Variants in GOT1 observed in about 807,000 individuals in gnomAD.
GOT1 encodes the protein glutamic-oxaloacetic transaminase 1, also known as aspartate aminotransferase, cytoplasmic.
A neutral mutation model predicts 48.2 loss-of-function variants in GOT1; 25 were observed. The ratio of observed to expected loss-of-function variants is 0.52; its 90% CI spans 0.38 to 0.72. The LOEUF (loss-of-function observed/expected upper bound fraction) is 0.72. GOT1 is among the 30% of genes least tolerant of loss of function. GOT1 has a pLI of 0.00. For synonymous variants in GOT1, 188 were observed against 193.8 expected (o/e 0.97, Z 0.25); for missense variants, 380 against 520.1 (o/e 0.73, Z 2.62).
At chr10:99,420,572 T>G in intron 2 of GOT1, 52 bp downstream of exon 2, 2 of 1,339,784 alleles carry the variant, frequency 1.5e-6, no homozygotes, top group Non-Finnish European at 2.1e-6. Context: ...ATTCTCAACA[T>G]CTTTTTACTT....
At chr10:99,416,652 G>A (rs1238573069) in intron 2 of GOT1, among the ~76,000 whole-genome samples, 2 of 150,586 alleles carry the variant, frequency 1.3e-5, no homozygotes, top group Non-Finnish European at 3.0e-5. Flanking sequence ...CTAAGCTGGA[G>A]GCATCATGCT....
chr10:99,420,844 T>G, intron 1 of GOT1, 39 bp from the exon 2 acceptor site: 3 of 1,511,734 alleles, frequency 2.0e-6, no homozygotes, highest in Non-Finnish European at 2.7e-6. Context: ...TGGAGGCTCA[T>G]GCTGTGTCCA....
intron 3 of GOT1, 57 bp downstream of exon 3, chr10:99,406,669 A>ATGAGGATAATTCTCTCTGGTTTCTGTTT: frequency 1.3e-6 from 2 of 1,560,462 alleles, no homozygotes. Flanking sequence ...AGGGAGAGTC[A>ATGAGGATAATTCTCTCTGGTTTCTGTTT]TGAGGATAAT....
chr10:99,423,205 CTTA>C (rs2032994256), intron 1 of GOT1, among the ~76,000 whole-genome samples: 1 of 152,114 alleles, frequency 6.6e-6, no homozygotes. Flanking sequence ...TTGCATTTAT[CTTA>C]TTATGAATGC....
At chr10:99,411,746 A>G (rs1287843014) in intron 2 of GOT1, among the ~76,000 whole-genome samples, 1 of 152,206 alleles carries the variant, frequency 6.6e-6, no homozygotes, top group Non-Finnish European at 1.5e-5. Flanking sequence ...TCCAGCATCT[A>G]GAACAGTGCC....
At chr10:99,404,295 A>G (rs2134097585) in intron 5 of GOT1, among the ~76,000 whole-genome samples, 1 of 151,992 alleles carries the variant, frequency 6.6e-6, no homozygotes, top group Non-Finnish European at 1.5e-5. Context: ...CATTCCTGTC[A>G]CTCATCTCCT....
intron 2 of GOT1, among the ~76,000 whole-genome samples, chr10:99,418,082 A>C (rs933355328): frequency 6.6e-6 from 1 of 151,388 alleles, no homozygotes; most frequent in Admixed American, 6.6e-5. Flanking sequence ...ATATAAAAAG[A>C]AGGGCTCAGA....
chr10:99,400,354 A>T (rs548942423), intron 8 of GOT1, among the ~76,000 whole-genome samples: 11 of 152,242 alleles, frequency 7.2e-5, no homozygotes, highest in African/African-American at 2.7e-4. Flanking sequence ...TGTATGTTTA[A>T]AACTTTTCTG....
At chr10:99,415,567 A>C (rs1348251913) in intron 2 of GOT1, among the ~76,000 whole-genome samples, 2 of 152,154 alleles carry the variant, frequency 1.3e-5, no homozygotes, top group Non-Finnish European at 2.9e-5. Flanking sequence ...ATAGAAAAAG[A>C]GGAAATCCTC....
chr10:99,414,799 G>A (rs577727213), intron 2 of GOT1, among the ~76,000 whole-genome samples: 9 of 151,666 alleles, frequency 5.9e-5, no homozygotes, highest in Middle Eastern at 6.8e-3. Context: ...ACTCAAAACC[G>A]CTCAACTACA....
In GOT1 at chr10:99,402,717, C is replaced by A; in HGVS notation, c.965G>T (p.Gly322Val). The change falls in exon 8 of 9, where the codon GGT becomes GTT. Residue 322 changes from glycine to valine, a missense_variant. Physicochemically the swap from Gly to Val is moderately radical, Grantham distance 109 (BLOSUM62 -3). Coordinates refer to ENST00000370508, the MANE Select transcript of GOT1 (RefSeq NM_002079.3). ...CCGGTCAGCCATTGTCTTCACATTA[C>A]CTGTCCTGAAGCATGGACAGTGACG... Reference protein sequence around the residue: ...SNPELFEEWTGNVKTMADRIL... With the variant: ...SNPELFEEWTVNVKTMADRIL... The A allele has an allele frequency of 6.2e-7, 1 of 1,613,688 alleles. No homozygotes were observed. The highest frequency in any genetic ancestry group is 1.3e-5 in the African/African-American group (1 of 75,042).
Position 99,406,157 on chromosome 10 carries a change from C to T in GOT1, c.517G>A (p.Gly173Ser). 8 of 1,605,688 alleles carry T rather than the reference C, an allele frequency of 5.0e-6. No individual in the cohort carries two copies. Among genetic ancestry groups the T allele is most frequent in the Non-Finnish European group, 6.8e-6 (8 of 1,172,246 alleles). ...CCCACCTCCAGATCATTCAGGAAGC[C>T]CTGGAGGTCCAATCCTCTCTTCTCT... The part of the protein sequence containing the change: ...DAEKRGLDLQ[G>S]FLNDLENAPE... Residue 173 changes from glycine (G) to serine (S), a missense_variant, in exon 4 of 9, where the codon GGC becomes AGC. Gly to Ser is a moderately conservative substitution (Grantham distance 56). Transcript: ENST00000370508.
intron 1 of GOT1, among the ~76,000 whole-genome samples, chr10:99,423,856 T>G (rs1006354744): frequency 5.3e-5 from 8 of 151,816 alleles, no homozygotes; most frequent in African/African-American, 1.9e-4. Context: ...GGGCCTCACT[T>G]TGTTGCCCAG....
chr10:99,401,559 C>T (rs1039192444), intron 8 of GOT1, among the ~76,000 whole-genome samples: 11 of 151,674 alleles, frequency 7.3e-5, no homozygotes, highest in Admixed American at 2.6e-4. Context: ...CTCAGCTACT[C>T]GGGAGGCTGA....
In GOT1 at chr10:99,430,476, G is replaced by A. The variant is rs774226921; in HGVS notation, c.90C>T (p.Asp30=). 1 of 1,611,514 alleles carries A rather than the reference G, an allele frequency of 6.2e-7. No individual in the cohort carries two copies. The highest frequency in any genetic ancestry group is 1.7e-5 in the Admixed American group (1 of 59,806). ...CCACTCCCAGGTTGACCTTGCGGGGGTCCGGATCCTCCCTGAAGTCGGCAG... is the reference window on the plus strand; with the variant it reads ...CCACTCCCAGGTTGACCTTGCGGGGATCCGGATCCTCCCTGAAGTCGGCAG... The part of the protein sequence containing the change: ...KLTADFREDP[D]PRKVNLGVGA... Residue 30 remains aspartate, a synonymous_variant, in exon 1 of 9, where the codon GAC becomes GAT. Coordinates refer to ENST00000370508, the MANE Select transcript of GOT1 (RefSeq NM_002079.3).
intron 1 of GOT1, among the ~76,000 whole-genome samples, chr10:99,429,876 C>A (rs2033092960): frequency 6.6e-6 from 1 of 152,176 alleles, no homozygotes; most frequent in Non-Finnish European, 1.5e-5. Context: ...TCTCCCCAGA[C>A]CCCCCGGGGG....
Position 99,403,645 on chromosome 10 carries a change from G to A in GOT1, c.794-11C>T, listed in dbSNP as rs1234758994. 2 of 1,613,870 alleles carry A rather than the reference G, an allele frequency of 1.2e-6. No homozygotes were observed. The highest frequency in any genetic ancestry group is 1.3e-5 in the African/African-American group (1 of 74,912). On this transcript the variant is annotated splice_polypyrimidine_tract_variant and intron_variant, in intron 6 of 8. Transcript: ENST00000370508. Reference sequence around the variant, plus strand: ...TCCCGACTCTCTCATCTAAAGAGAGGGACCAGAATCAGCTGTGGCTGCTGA... The same window carrying A: ...TCCCGACTCTCTCATCTAAAGAGAGAGACCAGAATCAGCTGTGGCTGCTGA...
intron 1 of GOT1, among the ~76,000 whole-genome samples, chr10:99,425,885 T>C (rs944096886): frequency 6.6e-6 from 1 of 152,158 alleles, no homozygotes; most frequent in African/African-American, 2.4e-5. Flanking sequence ...GAGAAAGACA[T>C]TGACGGAACC....
At chr10:99,422,561 A>G (rs1243747116) in intron 1 of GOT1, among the ~76,000 whole-genome samples, 1 of 152,114 alleles carries the variant, frequency 6.6e-6, no homozygotes, top group African/African-American at 2.4e-5. Flanking sequence ...TTTCCTCCTC[A>G]TTAACTATTC....
Sources: gnomAD v4.1 joint callset for allele counts (sites outside exome capture counted in the v4.1 genomes callset) on GRCh38, gnomAD v4.1.1 for gene constraint, MANE v1.5 for transcripts, NCBI Gene and HGNC (gene_info 2026-07-23, HGNC 2026-07-21) for gene names.